The following LGSN variants were observed in gnomAD, a reference collection of about 807,000 sequenced individuals.
LGSN encodes the protein lengsin, lens protein with glutamine synthetase domain.
In LGSN, 21 loss-of-function variants were observed where a neutral mutation model predicts 19.5. The observed-to-expected ratio is 1.07, with a 90% confidence interval of 0.76 to 1.55. LGSN has a LOEUF of 1.55. Ranked by LOEUF, LGSN falls within the 40% of genes most tolerant of loss-of-function variation. The probability of loss-of-function intolerance (pLI) is 0.00; values close to 1 mark genes in which losing one functional copy is unlikely to be tolerated. For synonymous variants in LGSN, 257 were observed against 215.6 expected, an observed-to-expected ratio of 1.19 and a Z score of -1.68; for missense variants, 673 against 608.5, an observed-to-expected ratio of 1.11 and a Z score of -1.12.
At chr6:63,365,868 T>C in the LGSN span, among the ~76,000 whole-genome samples, 4 of 152,008 alleles carry the variant, frequency 2.6e-5, no homozygotes, top group Non-Finnish European at 5.9e-5. Flanking sequence ...TGCAGAAAAG[T>C]CTTTTGACAA....
the LGSN span, among the ~76,000 whole-genome samples, chr6:63,416,638 G>A: frequency 7.2e-5 from 11 of 151,794 alleles, no homozygotes; most frequent in Admixed American, 2.6e-4. Flanking sequence ...GTGCAATGAC[G>A]CAGTCTTGGC....
chr6:63,459,231 C>G, the LGSN span, among the ~76,000 whole-genome samples: 1 of 152,110 alleles, frequency 6.6e-6, no homozygotes, highest in Non-Finnish European at 1.5e-5. Flanking sequence ...CATTTTGGTT[C>G]TCTCAAAAGA....
At chr6:63,468,355 T>G in the LGSN span, among the ~76,000 whole-genome samples, 1 of 152,144 alleles carries the variant, frequency 6.6e-6, no homozygotes, top group African/African-American at 2.4e-5. Flanking sequence ...CTCGAACTCC[T>G]GACCTCAAGT....
chr6:63,341,265 C>G, the LGSN span, among the ~76,000 whole-genome samples: 7 of 152,292 alleles, frequency 4.6e-5, no homozygotes, highest in African/African-American at 1.7e-4. Context: ...GCAGGGCCGG[C>G]CGATCCTCAG....
At chr6:63,301,349 A>G (rs1453149885) in intron 1 of LGSN, among the ~76,000 whole-genome samples, 1 of 152,148 alleles carries the variant, frequency 6.6e-6, no homozygotes. Context: ...AAGAAAAGCA[A>G]GATTGTTTTT....
At chr6:63,459,296 A>T in the LGSN span, among the ~76,000 whole-genome samples, 3 of 152,300 alleles carry the variant, frequency 2.0e-5, no homozygotes, top group East Asian at 5.8e-4. Flanking sequence ...ACTAGGAGAG[A>T]CCATATTAAT....
chr6:63,332,587 G>C, the LGSN span, among the ~76,000 whole-genome samples: 1 of 152,192 alleles, frequency 6.6e-6, no homozygotes, highest in Non-Finnish European at 1.5e-5. Flanking sequence ...GGGGTTGTTA[G>C]AGAGCCCTTT....
chr6:63,505,565 A>AAAAAAGAAAGAAAGAGAAAG, the LGSN span, among the ~76,000 whole-genome samples: 4 of 58,648 alleles, frequency 6.8e-5, no homozygotes, highest in East Asian at 8.8e-4. Flanking sequence ...AAAAAAAAAA[A>AAAAAAGAAAGAAAGAGAAAG]AAAGAAAGAA....
At chr6:63,295,984 T>C (rs532242885) in intron 1 of LGSN, among the ~76,000 whole-genome samples, 1 of 152,302 alleles carries the variant, frequency 6.6e-6, no homozygotes, top group South Asian at 2.1e-4. Flanking sequence ...TAGTATCTTT[T>C]TGAAAAGCAG....
At chr6:63,446,292 C>G in the LGSN span, among the ~76,000 whole-genome samples, 2 of 150,882 alleles carry the variant, frequency 1.3e-5, no homozygotes, top group East Asian at 1.9e-4. Flanking sequence ...GGCATGCCCT[C>G]TCACCTCACT....
At chr6:63,424,006 C>G in the LGSN span, among the ~76,000 whole-genome samples, 598 of 152,260 alleles carry the variant, frequency 3.9e-3, 1 homozygote, top group Middle Eastern at 0.01. Context: ...TGCCACTACA[C>G]TGCAGCCTGG....
the LGSN span, among the ~76,000 whole-genome samples, chr6:63,386,359 T>C: frequency 6.6e-6 from 1 of 152,214 alleles, no homozygotes; most frequent in African/African-American, 2.4e-5. Context: ...ATTGAGAATA[T>C]CATTGACTTT....
chr6:63,392,025 CAAGT>C, the LGSN span, among the ~76,000 whole-genome samples: 1 of 152,176 alleles, frequency 6.6e-6, no homozygotes, highest in Non-Finnish European at 1.5e-5. Context: ...CCCAAAATTC[CAAGT>C]AATTATAGTC....
chr6:63,351,522 G>A, the LGSN span, among the ~76,000 whole-genome samples: 1 of 151,934 alleles, frequency 6.6e-6, no homozygotes, highest in Non-Finnish European at 1.5e-5. Context: ...GTAGTGGTGC[G>A]ATTTCAGCTC....
At chr6:63,508,712 T>C in the LGSN span, among the ~76,000 whole-genome samples, 1 of 151,516 alleles carries the variant, frequency 6.6e-6, no homozygotes, top group Admixed American at 6.6e-5. Context: ...AGGTCAGGAG[T>C]TCGAGACCAG....
chr6:63,412,707 G>GGA, the LGSN span, among the ~76,000 whole-genome samples: 60 of 91,472 alleles, frequency 6.6e-4, 1 homozygote, highest in African/African-American at 3.2e-3. Context: ...AAGAAAGAAA[G>GGA]AGGGAAGGAA....
At position 63,281,024 on chromosome 6, in the gene LGSN, G is replaced by C; in HGVS notation, c.527C>G (p.Thr176Ser). 1 of 1,614,086 alleles carries C rather than the reference G, an allele frequency of 6.2e-7. No individual in the cohort carries two copies. The highest frequency in any genetic ancestry group is 8.5e-7 in the Non-Finnish European group (1 of 1,180,016). Residue 176 changes from threonine (T) to serine (S), a missense_variant, in exon 4 of 4, where the codon ACT (threonine) becomes AGT (serine). By Grantham distance (58) the Thr-to-Ser change is moderately conservative. Transcript: ENST00000370657. The part of the protein sequence containing the change: ...ARVICDTFTV[T>S]GEPLLTSPRY... ...TGGGGAAGTCAAAAGAGGCTCACCA[G>C]TCACAGTGAAGGTATCACATATCAC...
chr6:63,497,235 T>C, the LGSN span, among the ~76,000 whole-genome samples: 6,061 of 152,060 alleles, frequency 0.04, 469 homozygotes, highest in African/African-American at 0.14. Context: ...CCTCCCAAAG[T>C]GGTGGGATTA....
chr6:63,503,303 C>T, the LGSN span, among the ~76,000 whole-genome samples: 1 of 152,136 alleles, frequency 6.6e-6, no homozygotes, highest in Non-Finnish European at 1.5e-5. Flanking sequence ...CAGAAAGAGG[C>T]TCTAGTTCAT....
Sources: gnomAD v4.1 joint callset for allele counts (sites outside exome capture counted in the v4.1 genomes callset) on GRCh38, gnomAD v4.1.1 for gene constraint, MANE v1.5 for transcripts, NCBI Gene and HGNC (gene_info 2026-07-23, HGNC 2026-07-21) for gene names.